TENM2: variants seen among roughly 807,000 people sequenced by gnomAD.
TENM2 encodes teneurin transmembrane protein 2.
TENM2 carries 52 observed loss-of-function variants against 245.2 expected under a neutral mutation model. The observed-to-expected ratio is 0.21, with a 90% confidence interval of 0.17 to 0.27. The LOEUF is 0.27. Ranked by LOEUF, TENM2 falls within the 10% of genes least tolerant of loss-of-function variation. The probability of loss-of-function intolerance (pLI) is 1.00; values close to 1 mark genes in which losing one functional copy is unlikely to be tolerated. For missense variants in TENM2, 3,046 were observed against 3,666.8 expected (o/e 0.83, Z 4.37); for synonymous variants, 1,363 against 1,438.9 (o/e 0.95, Z 1.19).
the TENM2 span, among the ~76,000 whole-genome samples, chr5:167,012,497 C>A: frequency 8.5e-5 from 13 of 152,084 alleles, no homozygotes; most frequent in South Asian, 2.7e-3. Flanking sequence ...GTAGTGGAGC[C>A]GGGAAAGTGG....
At chr5:167,518,015 C>G (rs1025256025) in intron 2 of TENM2, among the ~76,000 whole-genome samples, 1 of 151,846 alleles carries the variant, frequency 6.6e-6, no homozygotes, top group African/African-American at 2.4e-5. Flanking sequence ...GGTGAAACCC[C>G]GTCTCTACTA....
intron 2 of TENM2, among the ~76,000 whole-genome samples, chr5:167,645,416 C>T (rs1352811331): frequency 6.6e-6 from 1 of 151,894 alleles, no homozygotes; most frequent in African/African-American, 2.4e-5. Flanking sequence ...GTGGAGTTGC[C>T]ACAGGGACTC....
intron 2 of TENM2, among the ~76,000 whole-genome samples, chr5:167,678,302 C>T (rs986531981): frequency 5.9e-5 from 9 of 151,986 alleles, no homozygotes; most frequent in Admixed American, 5.3e-4. Flanking sequence ...AAGCAAGATA[C>T]GAAACACTTC....
chr5:167,457,083 C>G (rs1561971868), intron 2 of TENM2, among the ~76,000 whole-genome samples: 1 of 152,112 alleles, frequency 6.6e-6, no homozygotes, highest in Non-Finnish European at 1.5e-5. Context: ...CTTCTTTCCT[C>G]CTTAGCCTCA....
At chr5:167,114,799 T>A in the TENM2 span, among the ~76,000 whole-genome samples, 1 of 152,174 alleles carries the variant, frequency 6.6e-6, no homozygotes, top group Non-Finnish European at 1.5e-5. Flanking sequence ...ATTGAAGCAA[T>A]TTTGAAAGAA....
chr5:167,834,247 T>G lies in TENM2; in HGVS notation c.503-41739T>G, dbSNP rs549529370. On this transcript the variant is annotated intron_variant, in intron 2 of 28. Coordinates refer to ENST00000518659, the Ensembl canonical transcript of TENM2. ...ATTTCTGAGGAGGTAAATTTTGAAC[T>G]GAGATGTCAGTGGCAGGAAGAAGCC... is the stretch of plus-strand genomic sequence containing the variant. Among the ~76,000 whole-genome samples, 3 of 152,328 alleles carry G rather than the reference T, an allele frequency of 2.0e-5. No homozygotes were observed. The East Asian group carries it at 5.8e-4, about 29-fold the overall frequency.
rs1173369621 is a variant in TENM2, at chr5:167,427,543, AGG to A, written c.502+52072_502+52073del. Among the ~76,000 whole-genome samples the A allele has an allele frequency of 7.2e-4, 90 of 125,406 alleles. 1 individual carries two copies. Among genetic ancestry groups the A allele is most frequent in the African/African-American group, 2.5e-3 (85 of 34,546 alleles). 82.3% of individuals were successfully genotyped at this position (125,406 alleles called of 152,430 possible). On this transcript the variant is annotated intron_variant, in intron 2 of 28. Coordinates refer to ENST00000518659, the Ensembl canonical transcript of TENM2. Reference sequence around the variant, plus strand: ...GGGAGGGAGGGAAGGATGGGAAGGAAGGGAAGGACGGGAAGGAAGGGAAGGAA... The same window carrying A: ...GGGAGGGAGGGAAGGATGGGAAGGAAGAAGGACGGGAAGGAAGGGAAGGAA...
the TENM2 span, among the ~76,000 whole-genome samples, chr5:167,100,753 A>C: frequency 6.6e-6 from 1 of 152,032 alleles, no homozygotes; most frequent in Non-Finnish European, 1.5e-5. Flanking sequence ...AAATTATAAA[A>C]TGCTTCCCTT....
intron 2 of TENM2, among the ~76,000 whole-genome samples, chr5:167,579,523 G>A (rs1466113165): frequency 6.6e-6 from 1 of 152,112 alleles, no homozygotes; most frequent in South Asian, 2.1e-4. Flanking sequence ...TCTCATCATT[G>A]ACTTCAGTTC....
intron 2 of TENM2, among the ~76,000 whole-genome samples, chr5:167,654,551 T>C (rs960529838): frequency 6.6e-6 from 1 of 152,154 alleles, no homozygotes; most frequent in African/African-American, 2.4e-5. Context: ...CAGAATTGCA[T>C]TTTCTTTGCT....
the TENM2 span, among the ~76,000 whole-genome samples, chr5:167,020,641 A>T: frequency 6.6e-6 from 1 of 152,018 alleles, no homozygotes; most frequent in Non-Finnish European, 1.5e-5. Context: ...TTCCTTTTGG[A>T]GGTATAGGTT....
intron 2 of TENM2, among the ~76,000 whole-genome samples, chr5:167,547,232 C>T (rs1011989915): frequency 7.9e-5 from 12 of 152,102 alleles, no homozygotes; most frequent in South Asian, 2.1e-4. Flanking sequence ...ATTACAGGCA[C>T]GTGCCACCAC....
intron 5 of TENM2, among the ~76,000 whole-genome samples, chr5:168,042,564 A>G (rs957529056): frequency 4.6e-5 from 7 of 152,022 alleles, no homozygotes; most frequent in African/African-American, 4.8e-5. Flanking sequence ...TTCTGGCCCT[A>G]TAATCTCCCT....
chr5:168,121,527 G>T (rs546073327), intron 10 of TENM2, among the ~76,000 whole-genome samples: 1 of 152,314 alleles, frequency 6.6e-6, no homozygotes, highest in South Asian at 2.1e-4. Context: ...CATATTTTTA[G>T]ATACAATAAA....
chr5:167,861,668 A>T (rs1467573206), intron 2 of TENM2, among the ~76,000 whole-genome samples: 1 of 152,180 alleles, frequency 6.6e-6, no homozygotes, highest in African/African-American at 2.4e-5. Flanking sequence ...GTTCCTTTCC[A>T]GCTCAACACT....
chr5:167,176,035 A>C, the TENM2 span, among the ~76,000 whole-genome samples: 1 of 152,176 alleles, frequency 6.6e-6, no homozygotes, highest in African/African-American at 2.4e-5. Flanking sequence ...CTCAAATCAA[A>C]ACCTTTCCAC....
chr5:167,845,346 T>C (rs1367555972), intron 2 of TENM2, among the ~76,000 whole-genome samples: 1 of 150,886 alleles, frequency 6.6e-6, no homozygotes, highest in East Asian at 2.0e-4. Flanking sequence ...TGGGCAGGAA[T>C]GGAAAGGTCT....
chr5:167,833,480 C>G (rs1330040474), intron 2 of TENM2, among the ~76,000 whole-genome samples: 2 of 152,200 alleles, frequency 1.3e-5, no homozygotes, highest in Non-Finnish European at 2.9e-5. Flanking sequence ...GTAGAGTGTT[C>G]AAAGTCAGAT....
the TENM2 span, among the ~76,000 whole-genome samples, chr5:167,120,252 G>A: frequency 6.6e-6 from 1 of 152,150 alleles, no homozygotes; most frequent in Non-Finnish European, 1.5e-5. Flanking sequence ...AGGTAGAAAT[G>A]TTATTTTATA....
Sources: allele counts gnomAD v4.1 joint callset (sites outside exome capture counted in the v4.1 genomes callset), GRCh38; gene constraint gnomAD v4.1.1; transcripts MANE v1.5; gene names NCBI Gene and HGNC (gene_info 2026-07-23, HGNC 2026-07-21).